Variants in RP1 observed in about 807,000 individuals in gnomAD.
The protein encoded by RP1 is oxygen-regulated protein 1.
In RP1, 16 loss-of-function variants were observed where a neutral mutation model predicts 14.8. That is an observed-to-expected ratio of 1.08 (90% CI 0.73 to 1.65). The LOEUF is 1.65. RP1 is among the 40% of genes most tolerant of loss of function. RP1 has a pLI of 0.00. For synonymous variants in RP1, 876 were observed against 883.6 expected (o/e 0.99, Z 0.15); for missense variants, 2,631 against 2,535.0 (o/e 1.04, Z -0.81).
intron 26 of RP1, among the ~76,000 whole-genome samples, chr8:54,853,800 G>A (rs1275427725): frequency 7.3e-6 from 1 of 136,926 alleles, no homozygotes; most frequent in Non-Finnish European, 1.6e-5. Flanking sequence ...AAGAGAGAGA[G>A]AAAGAAAGAG....
At chr8:54,688,862 A>G (rs1174220120) in intron 12 of RP1, among the ~76,000 whole-genome samples, 1 of 152,076 alleles carries the variant, frequency 6.6e-6, no homozygotes, top group East Asian at 1.9e-4. Flanking sequence ...GACATCGGTA[A>G]CTTGATGGGG....
At chr8:54,777,221 T>A (rs1417380223) in intron 23 of RP1, among the ~76,000 whole-genome samples, 3 of 152,222 alleles carry the variant, frequency 2.0e-5, no homozygotes, top group Non-Finnish European at 4.4e-5. Context: ...TATGTTTCAC[T>A]TGTAATGGAA....
Position 54,625,762 on chromosome 8 carries a change from C to T in RP1, c.1880C>T (p.Ser627Phe). The T allele has an allele frequency of 6.2e-7, 1 of 1,613,726 alleles. No individual in the cohort carries two copies. Among genetic ancestry groups the T allele is most frequent in the African/African-American group, 1.3e-5 (1 of 75,046 alleles). ...AACTCTGGAACTGACAAAAATATTT[C>T]TGAGGCTCCAGCTTCAGAAGCATCC... ...SNNSGTDKNISEAPASEASST... is the reference protein window; with the variant it reads ...SNNSGTDKNIFEAPASEASST... Residue 627 changes from serine to phenylalanine, a missense_variant, in exon 4 of 4, where the codon TCT (serine) becomes TTT (phenylalanine). Ser to Phe is a radical substitution (Grantham distance 155). Coordinates refer to ENST00000220676, the MANE Select transcript of RP1 (RefSeq NM_006269.2).
chr8:54,706,649 T>C, exon 15 of RP1: 1 of 1,536,024 alleles, frequency 6.5e-7, no homozygotes, highest in East Asian at 2.4e-5. Context: ...GCCGATGCGA[T>C]GGAACAGTAA....
At chr8:54,811,720 A>T (rs987980370) in intron 24 of RP1, among the ~76,000 whole-genome samples, 1 of 152,218 alleles carries the variant, frequency 6.6e-6, no homozygotes. Context: ...GGGATTCAAA[A>T]GGTTGGGTGT....
chr8:54,834,805 A>T (rs1811620418), intron 24 of RP1, among the ~76,000 whole-genome samples: 1 of 151,902 alleles, frequency 6.6e-6, no homozygotes, highest in Non-Finnish European at 1.5e-5. Context: ...AAGCTATAGT[A>T]TTTCCTTGAA....
At chr8:54,732,507 A>T (rs1808816505) in intron 17 of RP1, among the ~76,000 whole-genome samples, 2 of 152,186 alleles carry the variant, frequency 1.3e-5, no homozygotes, top group Admixed American at 1.3e-4. Flanking sequence ...CCCAGCAAAT[A>T]ATAGGAACTA....
chr8:54,689,145 T>C (rs987101712), intron 12 of RP1, among the ~76,000 whole-genome samples: 1 of 152,162 alleles, frequency 6.6e-6, no homozygotes, highest in Non-Finnish European at 1.5e-5. Flanking sequence ...ATGCTTGTGA[T>C]TTTTTTACAT....
At chr8:54,802,615 A>G (rs1025434840) in intron 24 of RP1, among the ~76,000 whole-genome samples, 4 of 152,206 alleles carry the variant, frequency 2.6e-5, no homozygotes, top group Non-Finnish European at 5.9e-5. Context: ...AGGTCTTCAA[A>G]GGCTGCTATT....
chr8:54,789,018 G>C (rs1156588827), intron 24 of RP1, among the ~76,000 whole-genome samples: 4 of 152,296 alleles, frequency 2.6e-5, no homozygotes, highest in Non-Finnish European at 5.9e-5. Flanking sequence ...TGGACATCCA[G>C]CTTTTCCAAA....
chr8:54,771,555 T>TG (rs1348238375), downstream of RP1, among the ~76,000 whole-genome samples: 1 of 152,034 alleles, frequency 6.6e-6, no homozygotes, highest in Non-Finnish European at 1.5e-5. Flanking sequence ...TTAAAATGCT[T>TG]CCTTCTAATT....
At chr8:54,808,507 G>T (rs1810912755) in intron 24 of RP1, among the ~76,000 whole-genome samples, 1 of 152,200 alleles carries the variant, frequency 6.6e-6, no homozygotes. Flanking sequence ...ACAGGGAATG[G>T]GAGTTAGAAT....
intron 3 of RP1, among the ~76,000 whole-genome samples, chr8:54,647,435 T>C (rs767929340): frequency 4.6e-5 from 7 of 152,048 alleles, no homozygotes; most frequent in Non-Finnish European, 1.0e-4. Flanking sequence ...AAATAAAAAA[T>C]ACAAATACAA....
intron 3 of RP1, among the ~76,000 whole-genome samples, chr8:54,624,443 C>CAAAAAAAAAAAAAAAAAAAA (rs11332494): frequency 7.2e-4 from 41 of 56,596 alleles, no homozygotes; most frequent in Non-Finnish European, 9.4e-4. Context: ...GACTCTGTCT[C>CAAAAAAAAAAAAAAAAAAAA]AAAAAAAAAA....
At chr8:54,755,681 G>A in exon 21 of RP1, 1 of 1,536,004 alleles carries the variant, frequency 6.5e-7, no homozygotes, top group Non-Finnish European at 8.7e-7. Flanking sequence ...GGAGTCTGAG[G>A]TTTTCCTCTG....
intron 1 of RP1, among the ~76,000 whole-genome samples, chr8:54,579,230 C>G (rs971370070): frequency 1.3e-5 from 2 of 152,194 alleles, no homozygotes; most frequent in Non-Finnish European, 1.5e-5. Context: ...AGACACACAG[C>G]TGCAAATCAG....
intron 22 of RP1, among the ~76,000 whole-genome samples, chr8:54,765,471 A>G (rs1450543787): frequency 6.6e-6 from 1 of 152,210 alleles, no homozygotes; most frequent in Non-Finnish European, 1.5e-5. Context: ...CTTCTGTGTA[A>G]GTATAGTTGG....
chr8:54,566,832 A>G (rs954548218), intron 1 of RP1, among the ~76,000 whole-genome samples: 2 of 152,242 alleles, frequency 1.3e-5, no homozygotes, highest in Admixed American at 1.3e-4. Flanking sequence ...GCTCAAACCA[A>G]CAACTAGTAA....
At chr8:54,580,785 A>C (rs1804771953) in intron 1 of RP1, among the ~76,000 whole-genome samples, 1 of 151,550 alleles carries the variant, frequency 6.6e-6, no homozygotes, top group African/African-American at 2.4e-5. Flanking sequence ...TGCCCAGCTA[A>C]TTTTTGTATT....
Sources: gnomAD v4.1 joint callset for allele counts (sites outside exome capture counted in the v4.1 genomes callset) on GRCh38, gnomAD v4.1.1 for gene constraint, MANE v1.5 for transcripts, NCBI Gene and HGNC (gene_info 2026-07-23, HGNC 2026-07-21) for gene names.